Variants in CACNA2D3 observed in about 807,000 individuals in gnomAD.
CACNA2D3 encodes the protein voltage-dependent calcium channel subunit alpha-2/delta-3.
CACNA2D3 carries 60 observed loss-of-function variants against 160.6 expected under a neutral mutation model. The ratio of observed to expected loss-of-function variants is 0.37; its 90% confidence interval spans 0.30 to 0.46. The LOEUF (loss-of-function observed/expected upper bound fraction) is 0.46, where lower values mean the gene tolerates loss of function less well. CACNA2D3 is among the 20% of genes least tolerant of loss of function. CACNA2D3 has a pLI of 1.00. For missense variants in CACNA2D3, 1,205 were observed against 1,365.0 expected (o/e 0.88, Z 1.85); for synonymous variants, 558 against 492.9 (o/e 1.13, Z -1.75).
chr3:55,055,192 G>T (rs1418465591), intron 35 of CACNA2D3, among the ~76,000 whole-genome samples: 1 of 152,044 alleles, frequency 6.6e-6, no homozygotes, highest in Non-Finnish European at 1.5e-5. Context: ...ATAGTATCTG[G>T]TGTTACATGT....
At chr3:54,928,525 T>A (rs1701094121) in intron 27 of CACNA2D3, among the ~76,000 whole-genome samples, 1 of 152,170 alleles carries the variant, frequency 6.6e-6, no homozygotes, top group South Asian at 2.1e-4. Flanking sequence ...CACCGTGCAC[T>A]TCTTTGGTCA....
chr3:55,060,741 TAAG>T (rs1400316372), intron 35 of CACNA2D3, among the ~76,000 whole-genome samples: 7 of 152,014 alleles, frequency 4.6e-5, no homozygotes, highest in East Asian at 3.9e-4. Flanking sequence ...ATGTCATAAT[TAAG>T]AAGATTTACT....
intron 9 of CACNA2D3, 54 bp from the exon 10 acceptor site, chr3:54,627,733 G>C: frequency 9.7e-7 from 1 of 1,035,540 alleles, no homozygotes; most frequent in East Asian, 2.5e-5. Context: ...ATTCAAGGTT[G>C]GTGTTTCACA....
intron 11 of CACNA2D3, among the ~76,000 whole-genome samples, chr3:54,736,120 CATATATATATGTATATAT>C (rs1701522394): frequency 2.2e-5 from 1 of 46,004 alleles, no homozygotes; most frequent in African/African-American, 9.4e-5. Context: ...TATATATATA[CATATATATATGTATATAT>C]ATACACACAC....
At chr3:54,830,518 G>T (rs569505221) in intron 14 of CACNA2D3, among the ~76,000 whole-genome samples, 27 of 150,122 alleles carry the variant, frequency 1.8e-4, no homozygotes, top group African/African-American at 6.1e-4. Flanking sequence ...GCACGATATC[G>T]GTTTGCTGCA....
intron 5 of CACNA2D3, among the ~76,000 whole-genome samples, chr3:54,542,290 G>T (rs2106666241): frequency 6.6e-6 from 1 of 152,206 alleles, no homozygotes; most frequent in Middle Eastern, 3.4e-3. Flanking sequence ...TCAATCTTCT[G>T]ACCTTGTGAT....
intron 2 of CACNA2D3, among the ~76,000 whole-genome samples, chr3:54,224,879 G>GT (rs1366224052): frequency 7.0e-6 from 1 of 143,806 alleles, no homozygotes; most frequent in Non-Finnish European, 1.5e-5. Context: ...ACTAATGTCA[G>GT]TTAAAAAAAA....
At chr3:54,443,205 T>C (rs1360935090) in intron 4 of CACNA2D3, among the ~76,000 whole-genome samples, 2 of 152,140 alleles carry the variant, frequency 1.3e-5, no homozygotes, top group African/African-American at 4.8e-5. Flanking sequence ...TCGGGGGATA[T>C]GGGGCAGCTT....
At chr3:54,351,011 CA>C (rs1172165573) in intron 3 of CACNA2D3, among the ~76,000 whole-genome samples, 1 of 69,710 alleles carries the variant, frequency 1.4e-5, no homozygotes, top group African/African-American at 4.6e-5. Context: ...TTTTTTGAGA[CA>C]GAGTCTCACT....
intron 29 of CACNA2D3, among the ~76,000 whole-genome samples, chr3:54,970,630 CCT>C (rs571030540): frequency 1.5e-3 from 89 of 61,114 alleles, no homozygotes; most frequent in African/African-American, 4.9e-3. Context: ...CCTCTCCTCT[CCT>C]CTTTTTCTCT....
intron 12 of CACNA2D3, among the ~76,000 whole-genome samples, chr3:54,762,762 C>T (rs1245557726): frequency 6.6e-6 from 1 of 152,210 alleles, no homozygotes. Context: ...AATCACAAGA[C>T]AACAGCATGG....
At chr3:54,479,336 G>A (rs1350518046) in intron 4 of CACNA2D3, among the ~76,000 whole-genome samples, 6 of 152,048 alleles carry the variant, frequency 3.9e-5, no homozygotes, top group East Asian at 1.9e-4. Context: ...TATTAGCAGC[G>A]TGAGAATGAA....
intron 4 of CACNA2D3, among the ~76,000 whole-genome samples, chr3:54,478,358 C>A (rs563675899): frequency 6.6e-6 from 1 of 151,926 alleles, no homozygotes; most frequent in South Asian, 2.1e-4. Context: ...TGCAGCCAGG[C>A]GCAGTGGCTC....
Position 54,490,334 on chromosome 3 carries a change from A to T in CACNA2D3, c.382-13158A>T, listed in dbSNP as rs79118269. 3.7e-3 allele frequency among the ~76,000 whole-genome samples: 4 copies of T among 1,086 alleles called. No individual in the cohort carries two copies. The Non-Finnish European group carries it at 0.1, about 27-fold the overall frequency. 0.7% of individuals were successfully genotyped at this position (1,086 alleles called of 152,430 possible). On this transcript the variant is annotated intron_variant, in intron 4 of 37. Coordinates refer to ENST00000474759, the MANE Select transcript of CACNA2D3 (RefSeq NM_018398.3). ...AGTAAGCACCGTTCCATCCCTGCGC[A>T]GCAGCAGGCTCCCACGCCCTGGCTC...
At chr3:54,260,220 G>A (rs531160575) in intron 2 of CACNA2D3, among the ~76,000 whole-genome samples, 89 of 152,240 alleles carry the variant, frequency 5.8e-4, no homozygotes, top group Non-Finnish European at 8.8e-4. Flanking sequence ...TAGACCCCTA[G>A]AATTGACTGC....
chr3:54,125,341 C>T (rs1001522808), intron 2 of CACNA2D3, among the ~76,000 whole-genome samples: 38 of 152,204 alleles, frequency 2.5e-4, no homozygotes, highest in Admixed American at 2.1e-3. Context: ...GGCTGAAATG[C>T]TTCTCTTACC....
At position 54,984,593 on chromosome 3, in the gene CACNA2D3, T is replaced by G. The variant is rs79563681; in HGVS notation, c.2557-15T>G. 5.0e-5 allele frequency: 71 copies of G among 1,410,750 alleles called. No homozygotes were observed. The highest frequency in any genetic ancestry group is 3.5e-4 in the Middle Eastern group (2 of 5,744). 87.4% of individuals were successfully genotyped at this position (1,410,750 alleles called of 1,614,324 possible). On this transcript the variant is annotated splice_polypyrimidine_tract_variant and intron_variant, in intron 29 of 37. Transcript: ENST00000474759. ...AAGCTGTTTTTTTGTTTTTGTTTTT[T>G]TTTTAATTTTCTAGACTGTGAATTG...
At chr3:54,758,330 G>A (rs1054729648) in intron 12 of CACNA2D3, among the ~76,000 whole-genome samples, 1 of 152,020 alleles carries the variant, frequency 6.6e-6, no homozygotes, top group Non-Finnish European at 1.5e-5. Context: ...AGTCACAAAG[G>A]AAAAGATGTG....
chr3:54,669,391 C>G (rs937581899), intron 11 of CACNA2D3, among the ~76,000 whole-genome samples: 11 of 152,166 alleles, frequency 7.2e-5, no homozygotes, highest in African/African-American at 2.2e-4. Context: ...CATAAAATCT[C>G]TAATACCTAA....
Sources: allele counts gnomAD v4.1 joint callset (sites outside exome capture counted in the v4.1 genomes callset), GRCh38; gene constraint gnomAD v4.1.1; transcripts MANE v1.5; gene names NCBI Gene and HGNC (gene_info 2026-07-23, HGNC 2026-07-21).